ASTN2: variants seen among roughly 807,000 people sequenced by gnomAD.
ASTN2 encodes the protein astrotactin 2.
Under a neutral mutation model 139.8 loss-of-function variants are expected in ASTN2, and 54 were observed. That is an observed-to-expected ratio of 0.39 (90% CI 0.31 to 0.48). The LOEUF (loss-of-function observed/expected upper bound fraction) is 0.48, where lower values mean the gene tolerates loss of function less well. Among genes scored for constraint, ASTN2 ranks in the 20% least tolerant of loss-of-function variants. The pLI, the probability that ASTN2 is intolerant of heterozygous loss-of-function variation, is 0.95. For synonymous variants in ASTN2, 756 were observed against 719.5 expected (o/e 1.05, Z -0.81); for missense variants, 1,565 against 1,725.1 (o/e 0.91, Z 1.64).
chr9:116,660,168 G>GCACACACACACA (rs3041004), intron 16 of ASTN2, among the ~76,000 whole-genome samples: 135 of 146,680 alleles, frequency 9.2e-4, no homozygotes, highest in Middle Eastern at 3.4e-3. Context: ...TATTGCAAGC[G>GCACACACACACA]CACACACACA....
At chr9:117,181,062 A>G (rs1205649700) in intron 3 of ASTN2, 40 of 1,408,376 alleles carry the variant, frequency 2.8e-5, no homozygotes, top group Non-Finnish European at 4.0e-5. Context: ...CATACATCTG[A>G]AAGGCCTGTT....
intron 20 of ASTN2, among the ~76,000 whole-genome samples, chr9:116,485,852 C>T (rs1424249040): frequency 3.3e-5 from 5 of 152,072 alleles, no homozygotes; most frequent in Non-Finnish European, 1.5e-5. Flanking sequence ...AGTTTGGTGA[C>T]CCAACACATT....
intron 13 of ASTN2, among the ~76,000 whole-genome samples, chr9:116,762,382 A>G (rs1372331): frequency 0.96 from 146,506 of 152,236 alleles, 70,749 homozygotes; most frequent in East Asian, 1. Context: ...GCCTCCAAGG[A>G]GAACTAATTT....
At chr9:116,809,017 A>G (rs1831099215) in intron 12 of ASTN2, among the ~76,000 whole-genome samples, 1 of 151,966 alleles carries the variant, frequency 6.6e-6, no homozygotes, top group African/African-American at 2.4e-5. Context: ...TGGTTTATAT[A>G]TGCTCAATAT....
chr9:117,411,027 T>C (rs1194744446), intron 1 of ASTN2, among the ~76,000 whole-genome samples: 4 of 152,210 alleles, frequency 2.6e-5, no homozygotes, highest in African/African-American at 4.8e-5. Context: ...TGGTTCAGAA[T>C]ACCAGTTTAG....
intron 13 of ASTN2, among the ~76,000 whole-genome samples, chr9:116,794,378 GTGAGCCACCGAGCCGGGCCAAAA>G (rs1564271056): frequency 6.6e-6 from 1 of 152,092 alleles, no homozygotes; most frequent in Non-Finnish European, 1.5e-5. Context: ...GATTACAGGC[GTGAGCCACCGAGCCGGGCCAAAA>G]ACCTCATAAT....
At chr9:117,298,670 G>GTATA (rs148601803) in intron 1 of ASTN2, among the ~76,000 whole-genome samples, 53,455 of 135,996 alleles carry the variant, frequency 0.39, 10,734 homozygotes, top group South Asian at 0.53. Flanking sequence ...ATATATATGT[G>GTATA]TATATATATA....
chr9:117,225,538 T>TGTATATATATATATATATATATAG (rs1832681714), intron 2 of ASTN2, among the ~76,000 whole-genome samples: 1 of 19,518 alleles, frequency 5.1e-5, no homozygotes, highest in Non-Finnish European at 8.5e-5. Flanking sequence ...GCTGTATGTA[T>TGTATATATATATATATATATATAG]ATATATATAT....
intron 3 of ASTN2, among the ~76,000 whole-genome samples, chr9:117,190,703 A>T (rs1831322044): frequency 6.6e-6 from 1 of 152,076 alleles, no homozygotes; most frequent in Admixed American, 6.6e-5. Flanking sequence ...TGTTTCCTCA[A>T]ATATTCAAAT....
intron 3 of ASTN2, among the ~76,000 whole-genome samples, chr9:117,211,795 A>G (rs1832140389): frequency 6.6e-6 from 1 of 152,212 alleles, no homozygotes; most frequent in Admixed American, 6.5e-5. Context: ...AGGAAATCCC[A>G]TCTACAACAG....
chr9:116,689,101 C>T (rs901774483), intron 16 of ASTN2, among the ~76,000 whole-genome samples: 8 of 152,094 alleles, frequency 5.3e-5, no homozygotes, highest in Non-Finnish European at 1.2e-4. Flanking sequence ...GTGTGGGATA[C>T]GCCCTTCCCC....
intron 13 of ASTN2, among the ~76,000 whole-genome samples, chr9:116,755,999 G>A (rs1214201070): frequency 6.6e-6 from 1 of 152,224 alleles, no homozygotes; most frequent in African/African-American, 2.4e-5. Flanking sequence ...CAATTTGGTT[G>A]TTGCCTCCAG....
At chr9:117,333,575 T>C (rs140213978) in intron 1 of ASTN2, among the ~76,000 whole-genome samples, 2 of 152,348 alleles carry the variant, frequency 1.3e-5, no homozygotes, top group Non-Finnish European at 2.9e-5. Flanking sequence ...AATTATATTT[T>C]AGATACTGGG....
At chr9:117,186,461 G>T (rs1387564173) in intron 3 of ASTN2, among the ~76,000 whole-genome samples, 1 of 152,012 alleles carries the variant, frequency 6.6e-6, no homozygotes, top group African/African-American at 2.4e-5. Flanking sequence ...GCAGGAGAAT[G>T]GTGCGGGCCT....
At chr9:116,945,131 A>T (rs919152364) in intron 10 of ASTN2, among the ~76,000 whole-genome samples, 2 of 152,212 alleles carry the variant, frequency 1.3e-5, no homozygotes, top group Admixed American at 1.3e-4. Flanking sequence ...AGATGTGGCA[A>T]AGTTCAAAAT....
chr9:116,640,459 G>A (rs1032914374), intron 17 of ASTN2, among the ~76,000 whole-genome samples: 5 of 152,152 alleles, frequency 3.3e-5, no homozygotes, highest in Admixed American at 2.0e-4. Flanking sequence ...TATCAAATCT[G>A]GAAACCTTGG....
At chr9:116,603,895 G>A (rs1401377082) in intron 19 of ASTN2, among the ~76,000 whole-genome samples, 1 of 152,128 alleles carries the variant, frequency 6.6e-6, no homozygotes, top group African/African-American at 2.4e-5. Flanking sequence ...CCAGGCGAGG[G>A]GTTGATAGTC....
intron 20 of ASTN2, among the ~76,000 whole-genome samples, chr9:116,471,565 G>T (rs951302263): frequency 2.0e-5 from 3 of 152,038 alleles, no homozygotes; most frequent in African/African-American, 4.8e-5. Context: ...CTGGCATCCC[G>T]GGGAAAGAGG....
At chr9:117,207,473 TACACCCAC>T (rs1384717438) in intron 3 of ASTN2, among the ~76,000 whole-genome samples, 21 of 152,224 alleles carry the variant, frequency 1.4e-4, no homozygotes, top group African/African-American at 5.1e-4. Context: ...CAAGCAGCCA[TACACCCAC>T]ATAGCAGGCC....
Sources: gnomAD v4.1 joint callset for allele counts (sites outside exome capture counted in the v4.1 genomes callset) on GRCh38, gnomAD v4.1.1 for gene constraint, MANE v1.5 for transcripts, NCBI Gene and HGNC (gene_info 2026-07-23, HGNC 2026-07-21) for gene names.